ALG6: variants seen among roughly 807,000 people sequenced by gnomAD.
ALG6 encodes the protein ALG6 alpha-1,3-glucosyltransferase, also known as dolichyl pyrophosphate Man9GlcNAc2 alpha-1,3-glucosyltransferase.
In ALG6, 46 loss-of-function variants were observed where a neutral mutation model predicts 66.6. The observed-to-expected ratio is 0.69, with a 90% confidence interval of 0.55 to 0.88. The LOEUF is 0.88. Ranked by LOEUF, ALG6 falls within the 40% of genes least tolerant of loss-of-function variation. ALG6 has a pLI of 0.00. For synonymous variants in ALG6, 185 were observed against 203.7 expected (o/e 0.91, Z 0.78); for missense variants, 505 against 586.8 (o/e 0.86, Z 1.44).
chr1:63,430,989 A>G (rs1043016252), intron 14 of ALG6, among the ~76,000 whole-genome samples: 2 of 151,894 alleles, frequency 1.3e-5, no homozygotes, highest in Non-Finnish European at 2.9e-5. Flanking sequence ...TTACCCCTGT[A>G]TTTTCTTCTA....
intron 4 of ALG6, among the ~76,000 whole-genome samples, chr1:63,403,994 T>A (rs1213563904): frequency 6.6e-6 from 1 of 152,234 alleles, no homozygotes; most frequent in Non-Finnish European, 1.5e-5. Context: ...AATTGTAATA[T>A]GGTTGAAAAT....
At chr1:63,400,587 G>A (rs368158560) in intron 3 of ALG6, among the ~76,000 whole-genome samples, 342 of 151,082 alleles carry the variant, frequency 2.3e-3, no homozygotes, top group African/African-American at 8.0e-3. Context: ...ATATATCATT[G>A]CATGCTTGCA....
chr1:63,428,636 T>C, intron 12 of ALG6, 97 bp from the exon 13 acceptor site: 1 of 969,416 alleles, frequency 1.0e-6, no homozygotes, highest in Admixed American at 2.6e-5. Flanking sequence ...AAGCTACCGC[T>C]GAAAATCAGA....
chr1:63,417,599 TGAG>T (rs1426762519), intron 11 of ALG6, among the ~76,000 whole-genome samples: 2 of 152,174 alleles, frequency 1.3e-5, no homozygotes, highest in Non-Finnish European at 2.9e-5. Context: ...AATCTATAAT[TGAG>T]GTAACTGATA....
intron 14 of ALG6, chr1:63,429,418 C>T: frequency 3.3e-6 from 1 of 298,540 alleles, no homozygotes; most frequent in Non-Finnish European, 6.3e-6. Context: ...GTTTCTGCCT[C>T]TTTAGATTTG....
At chr1:63,388,108 G>A (rs1235865740) in intron 2 of ALG6, among the ~76,000 whole-genome samples, 1 of 152,002 alleles carries the variant, frequency 6.6e-6, no homozygotes, top group Non-Finnish European at 1.5e-5. Context: ...TAGTAGAGAC[G>A]AGTTTTCACC....
chr1:63,425,782 G>C (rs992069147), intron 12 of ALG6, among the ~76,000 whole-genome samples: 1 of 152,154 alleles, frequency 6.6e-6, no homozygotes, highest in African/African-American at 2.4e-5. Context: ...GGGCTTAAGA[G>C]TGAATGTATG....
At chr1:63,373,030 A>G (rs1647985877) in intron 2 of ALG6, among the ~76,000 whole-genome samples, 1 of 151,436 alleles carries the variant, frequency 6.6e-6, no homozygotes, top group Non-Finnish European at 1.5e-5. Flanking sequence ...TTTTGGAGAC[A>G]GGGTTTCACT....
intron 2 of ALG6, among the ~76,000 whole-genome samples, chr1:63,374,485 G>A (rs1257680342): frequency 1.3e-5 from 2 of 151,990 alleles, no homozygotes; most frequent in African/African-American, 2.4e-5. Flanking sequence ...AAAATTAGCC[G>A]GGTGTGGTGG....
chr1:63,434,849 C>T (rs1644669311), intron 14 of ALG6, among the ~76,000 whole-genome samples: 1 of 152,012 alleles, frequency 6.6e-6, no homozygotes, highest in Non-Finnish European at 1.5e-5. Context: ...GGAATAGGTA[C>T]GAAGCCCCAG....
chr1:63,420,790 G>T (rs1257827027), intron 12 of ALG6, among the ~76,000 whole-genome samples: 1 of 151,798 alleles, frequency 6.6e-6, no homozygotes, highest in Admixed American at 6.6e-5. Flanking sequence ...GAACCCAGGA[G>T]GTGGAGGTTG....
At chr1:63,416,470 G>C (rs1448964684) in intron 11 of ALG6, among the ~76,000 whole-genome samples, 1 of 152,020 alleles carries the variant, frequency 6.6e-6, no homozygotes, top group Non-Finnish European at 1.5e-5. Context: ...AAGGACACAG[G>C]ATATTCTGGG....
chr1:63,432,258 G>T (rs1229548029), intron 14 of ALG6, among the ~76,000 whole-genome samples: 3 of 149,562 alleles, frequency 2.0e-5, no homozygotes, highest in Non-Finnish European at 3.0e-5. Context: ...TTGGTCATGT[G>T]TGTTTTTTTT....
In ALG6 at chr1:63,418,099, A is replaced by G. The variant is rs530425953; in HGVS notation, c.988-1271A>G. Among the ~76,000 whole-genome samples, 227 of 150,460 alleles carry G rather than the reference A, an allele frequency of 1.5e-3. 1 individual carries two copies. Among genetic ancestry groups the G allele is most frequent in the Admixed American group, 0.013 (194 of 15,036 alleles). On this transcript the variant is annotated intron_variant, in intron 11 of 14. Coordinates refer to ENST00000263440, the MANE Select transcript of ALG6 (RefSeq NM_013339.4). ...CGGCGAGTGGAGATTGCGCCACTGCACTCCAGCCTGGGCAACAAGAGTGAA... is the reference window on the plus strand; with the variant it reads ...CGGCGAGTGGAGATTGCGCCACTGCGCTCCAGCCTGGGCAACAAGAGTGAA...
At chr1:63,404,881 G>T (rs1644482856) in intron 5 of ALG6, among the ~76,000 whole-genome samples, 2 of 152,064 alleles carry the variant, frequency 1.3e-5, no homozygotes, top group Non-Finnish European at 2.9e-5. Context: ...TGAATCTTTA[G>T]TTTTTTAGGG....
At chr1:63,420,056 C>G (rs528041299) in intron 12 of ALG6, among the ~76,000 whole-genome samples, 2 of 152,312 alleles carry the variant, frequency 1.3e-5, no homozygotes, top group South Asian at 2.1e-4. Context: ...CACTACTGCT[C>G]TACCCCTCAC....
At chr1:63,431,550 G>A (rs1644645487) in intron 14 of ALG6, among the ~76,000 whole-genome samples, 1 of 152,012 alleles carries the variant, frequency 6.6e-6, no homozygotes, top group Non-Finnish European at 1.5e-5. Flanking sequence ...CTTAATAGCT[G>A]GGACTATGGG....
chr1:63,412,019 G>C lies in ALG6; in HGVS notation c.774G>C (p.Gln258His). Residue 258 changes from glutamine to histidine, a missense_variant, in exon 9 of 15, where the codon CAG becomes CAC. By Grantham distance (24) the Gln-to-His change is conservative. Transcript: ENST00000263440. ...TTACAGAAAGGGAACAAACCCTGCA[G>C]GTTCTAAGAAGACTCTTCCCGGTTG... ...PFFTEREQTLQVLRRLFPVDR... is the reference protein window; with the variant it reads ...PFFTEREQTLHVLRRLFPVDR... The C allele has an allele frequency of 1.2e-6, 2 of 1,614,084 alleles. No individual in the cohort carries two copies. Among genetic ancestry groups the C allele is most frequent in the Non-Finnish European group, 1.7e-6 (2 of 1,179,982 alleles).
intron 6 of ALG6, among the ~76,000 whole-genome samples, 179 bp downstream of exon 6, chr1:63,406,578 G>T (rs1354574932): frequency 1.3e-5 from 2 of 151,902 alleles, no homozygotes; most frequent in East Asian, 3.9e-4. Context: ...AATTATTTTA[G>T]TGTACTACTA....
Sources: allele counts gnomAD v4.1 joint callset (sites outside exome capture counted in the v4.1 genomes callset), GRCh38; gene constraint gnomAD v4.1.1; transcripts MANE v1.5; gene names NCBI Gene and HGNC (gene_info 2026-07-23, HGNC 2026-07-21).